USP24: variants seen among roughly 807,000 people sequenced by gnomAD.
USP24 encodes the protein ubiquitin specific peptidase 24, also known as ubiquitin carboxyl-terminal hydrolase 24.
USP24 carries 97 observed loss-of-function variants against 361.6 expected under a neutral mutation model. The ratio of observed to expected loss-of-function variants is 0.27; its 90% CI spans 0.23 to 0.32. USP24 has a LOEUF of 0.32. Ranked by LOEUF, USP24 falls within the 10% of genes least tolerant of loss-of-function variation. The pLI is 1.00. For missense variants in USP24, 2,353 were observed against 3,165.6 expected (o/e 0.74, Z 6.16); for synonymous variants, 1,098 against 1,124.6 (o/e 0.98, Z 0.47).
chr1:55,124,776 C>G, intron 34 of USP24, 148 bp from the exon 35 acceptor site: 1 of 794,384 alleles, frequency 1.3e-6, no homozygotes, highest in South Asian at 1.8e-5. Context: ...TGCCATCCTG[C>G]TCAAGGGCTT....
chr1:55,107,873 A>C lies in USP24; in HGVS notation c.4571-443T>G, dbSNP rs560837517. 8.8e-4 allele frequency among the ~76,000 whole-genome samples: 130 copies of C among 147,312 alleles called. 3 individuals are homozygous for C. The South Asian group carries it at 0.025, about 29-fold the overall frequency. ...AAAAAAAAAAAAAAAAAAACACACA[A>C]AAACCCCACAAAACTGTCATTAACA... On this transcript the variant is annotated intron_variant, in intron 39 of 67. Coordinates refer to ENST00000294383, the MANE Select transcript of USP24 (RefSeq NM_015306.3).
intron 1 of USP24, among the ~76,000 whole-genome samples, chr1:55,183,640 G>A (rs1039917593): frequency 7.2e-5 from 11 of 152,190 alleles, no homozygotes; most frequent in Admixed American, 2.0e-4. Flanking sequence ...AGAGCAAAGC[G>A]GCAAATGTAA....
chr1:55,166,709 G>A, intron 5 of USP24, 106 bp from the exon 6 acceptor site: 1 of 1,130,130 alleles, frequency 8.8e-7, no homozygotes. Context: ...AATTATAAAA[G>A]TTTGGAAACT....
rs145616970 is a variant in USP24, at chr1:55,179,009, A to G, written c.325-877T>C. Among the ~76,000 whole-genome samples, 12 of 152,320 alleles carry G rather than the reference A, an allele frequency of 7.9e-5. No individual in the cohort carries two copies. The East Asian group carries it at 2.1e-3, about 27-fold the overall frequency. On this transcript the variant is annotated intron_variant, in intron 1 of 67. Transcript: ENST00000294383. ...GGATAAATTCTTCAAAGAGGTATCT[A>G]TATTTGCCATCTTCATCTCCACACC...
At chr1:55,203,378 A>G (rs1250487114) in intron 1 of USP24, among the ~76,000 whole-genome samples, 2 of 151,978 alleles carry the variant, frequency 1.3e-5, no homozygotes, top group Non-Finnish European at 2.9e-5. Context: ...GCCAAGAGTC[A>G]AGGTCCTCCT....
At chr1:55,118,356 A>C (rs1225437376) in intron 38 of USP24, among the ~76,000 whole-genome samples, 1 of 152,264 alleles carries the variant, frequency 6.6e-6, no homozygotes, top group Non-Finnish European at 1.5e-5. Context: ...CAATGGGGAA[A>C]GGATAGTATT....
chr1:55,171,200 A>AT (rs899806292), intron 5 of USP24, among the ~76,000 whole-genome samples: 10 of 152,138 alleles, frequency 6.6e-5, no homozygotes, highest in African/African-American at 2.4e-4. Flanking sequence ...GTACTAGATT[A>AT]TTTTTTCTAG....
At chr1:55,180,131 C>A (rs747378553) in intron 1 of USP24, among the ~76,000 whole-genome samples, 2 of 152,152 alleles carry the variant, frequency 1.3e-5, no homozygotes, top group Non-Finnish European at 2.9e-5. Flanking sequence ...CAAAAGGCCA[C>A]AGCAGTATTT....
Position 55,068,733 on chromosome 1 carries a change from G to C in USP24, c.*312C>G, listed in dbSNP as rs890664840. 1 of 356,668 alleles carries C rather than the reference G, an allele frequency of 2.8e-6. No individual in the cohort carries two copies. The highest frequency in any genetic ancestry group is 2.1e-5 in the African/African-American group (1 of 47,746). 22.1% of individuals were successfully genotyped at this position (356,668 alleles called of 1,614,324 possible). On this transcript the variant is annotated 3_prime_UTR_variant, in exon 68 of 68. Coordinates refer to ENST00000294383, the MANE Select transcript of USP24 (RefSeq NM_015306.3). ...AAGCAACAGCTTTATGCTCACTCTT[G>C]TATGTTCGTGTAACAAAAAAGTCTG...
chr1:55,072,341 G>A lies in USP24; in HGVS notation c.7665C>T (p.Thr2555=), dbSNP rs1042041129. ...NVSNETSTGK[T]FQRTISAQDT... is the part of the protein sequence containing the mutation. ...CCTGAGCTGAAATGGTTCGCTGAAA[G>A]GTTTTTCCAGTTGATGTTTCATTAG... is the stretch of plus-strand genomic sequence containing the variant. Residue 2555 remains threonine (T), a synonymous_variant, in exon 66 of 68, where the codon ACC becomes ACT. Coordinates refer to ENST00000294383, the MANE Select transcript of USP24 (RefSeq NM_015306.3). 32 of 1,613,694 alleles carry A rather than the reference G, an allele frequency of 2.0e-5. No homozygotes were observed. Among genetic ancestry groups the A allele is most frequent in the Non-Finnish European group, 2.5e-5 (30 of 1,179,820 alleles).
At chr1:55,117,513 G>A (rs1046110779) in intron 38 of USP24, among the ~76,000 whole-genome samples, 4 of 151,968 alleles carry the variant, frequency 2.6e-5, no homozygotes, top group African/African-American at 9.7e-5. Flanking sequence ...TGGATCATGA[G>A]GTCAGGAGAT....
intron 10 of USP24, 101 bp downstream of exon 10, chr1:55,158,777 A>C: frequency 9.8e-7 from 1 of 1,021,740 alleles, no homozygotes; most frequent in Non-Finnish European, 1.3e-6. Flanking sequence ...GATTACAATA[A>C]ATTATTCATA....
chr1:55,082,411 T>A (rs1452861909), intron 58 of USP24, among the ~76,000 whole-genome samples: 1 of 152,340 alleles, frequency 6.6e-6, no homozygotes, highest in African/African-American at 2.4e-5. Context: ...TACCACTGCA[T>A]GTTAGCATTT....
At chr1:55,171,699 G>C in intron 4 of USP24, 21 bp from the exon 5 acceptor site, 1 of 1,591,154 alleles carries the variant, frequency 6.3e-7, no homozygotes, top group Non-Finnish European at 8.6e-7. Flanking sequence ...AGAGAACAGA[G>C]AAACATTATT....
chr1:55,071,637 T>G (rs1226770022), intron 67 of USP24, 177 bp downstream of exon 67: 1 of 1,144,634 alleles, frequency 8.7e-7, no homozygotes, highest in East Asian at 2.6e-5. Flanking sequence ...TACTCAGCCC[T>G]GTAAACACAC....
intron 38 of USP24, among the ~76,000 whole-genome samples, chr1:55,116,004 C>A (rs1337899280): frequency 1.3e-5 from 2 of 152,048 alleles, no homozygotes; most frequent in Non-Finnish European, 2.9e-5. Context: ...ACACCACACA[C>A]CAGAACCTGT....
intron 7 of USP24, among the ~76,000 whole-genome samples, chr1:55,165,133 T>C (rs185259049): frequency 5.9e-5 from 9 of 152,228 alleles, no homozygotes; most frequent in Admixed American, 5.2e-4. Context: ...TGATTAGTCA[T>C]GGTTTCACAA....
rs1252535485 is a variant in USP24, at chr1:55,075,656, ACAACAACAACACCACCAC to A, written c.7381-151_7381-134del. ...AACAACAACAACAACAACAACAACA[ACAACAACAACACCACCAC>A]CACCAATACAGGACGGGCATGGTGG... On this transcript the variant is annotated intron_variant, in intron 62 of 67. Coordinates refer to ENST00000294383, the MANE Select transcript of USP24 (RefSeq NM_015306.3). 1.8e-4 allele frequency: 90 copies of A among 498,582 alleles called. 1 individual carries two copies. In the African/African-American group the frequency reaches 4.7e-3, roughly 26 times the overall value. 30.9% of individuals were successfully genotyped at this position (498,582 alleles called of 1,614,324 possible).
intron 3 of USP24, among the ~76,000 whole-genome samples, chr1:55,176,022 C>G (rs1649946445): frequency 6.6e-6 from 1 of 152,144 alleles, no homozygotes; most frequent in Non-Finnish European, 1.5e-5. Flanking sequence ...CTAAGTGCCA[C>G]AAGCCTTTGT....
Sources: gnomAD v4.1 joint callset for allele counts (sites outside exome capture counted in the v4.1 genomes callset) on GRCh38, gnomAD v4.1.1 for gene constraint, MANE v1.5 for transcripts, NCBI Gene and HGNC (gene_info 2026-07-23, HGNC 2026-07-21) for gene names.